Variants in ST8SIA5 observed in about 807,000 individuals in gnomAD.
ST8SIA5 encodes alpha-2,8-sialyltransferase 8E.
A neutral mutation model predicts 40.2 loss-of-function variants in ST8SIA5; 24 were observed. The observed-to-expected ratio is 0.60, with a 90% CI of 0.43 to 0.84. ST8SIA5 has a LOEUF of 0.84. ST8SIA5 is among the 40% of genes least tolerant of loss of function. The probability of loss-of-function intolerance (pLI) is 0.00; values close to 1 mark genes in which losing one functional copy is unlikely to be tolerated. For missense variants in ST8SIA5, 465 were observed against 498.5 expected (o/e 0.93, Z 0.64); for synonymous variants, 198 against 201.8 (o/e 0.98, Z 0.16).
In ST8SIA5 at chr18:46,675,743, G is replaced by A. The variant is rs941533808; in HGVS notation, c.*4299C>T. The A allele has an allele frequency of 4.6e-5, 7 of 152,186 alleles. No homozygotes were observed. The highest frequency in any genetic ancestry group is 1.4e-4 in the African/African-American group (6 of 41,436). 9.4% of individuals were successfully genotyped at this position (152,186 alleles called of 1,614,324 possible). A position where few individuals can be genotyped will look rare whatever the true frequency, so the allele number is the denominator to read the frequency against. On this transcript the variant is annotated 3_prime_UTR_variant, in exon 7 of 7. Transcript: ENST00000315087. Reference sequence around the variant, plus strand: ...GAAGAATAGTTAGAAAACAGAAGAGGAGAGGACTTTAGAAAGACCAGAGAG... The same window carrying A: ...GAAGAATAGTTAGAAAACAGAAGAGAAGAGGACTTTAGAAAGACCAGAGAG...
At chr18:46,690,841 C>T (rs2144479389) in intron 3 of ST8SIA5, among the ~76,000 whole-genome samples, 1 of 152,242 alleles carries the variant, frequency 6.6e-6, no homozygotes, top group Non-Finnish European at 1.5e-5. Context: ...ATCTTGAACT[C>T]CTGACCTCAG....
In ST8SIA5 at chr18:46,677,956, C is replaced by G. The variant is rs542177833; in HGVS notation, c.*2086G>C. ...GTTTCCTAAAGTGGAACAAAATGGT[C>G]TTTAAGAACCTTCTAGTTTTTATAT... is the stretch of plus-strand genomic sequence containing the variant. On this transcript the variant is annotated 3_prime_UTR_variant, in exon 7 of 7. Transcript: ENST00000315087. 6.6e-6 allele frequency: 1 copy of G among 152,226 alleles called. No homozygotes were observed. The highest frequency in any genetic ancestry group is 2.4e-5 in the African/African-American group (1 of 41,448). 9.4% of individuals were successfully genotyped at this position (152,226 alleles called of 1,614,324 possible). A position where few individuals can be genotyped will look rare whatever the true frequency, so the allele number is the denominator to read the frequency against.
At chr18:46,729,040 G>A (rs2039960064) in intron 1 of ST8SIA5, among the ~76,000 whole-genome samples, 1 of 151,956 alleles carries the variant, frequency 6.6e-6, no homozygotes, top group Non-Finnish European at 1.5e-5. Flanking sequence ...AGCCACTATT[G>A]TGCTCCCACA....
chr18:46,733,245 G>T (rs2040001880), intron 1 of ST8SIA5, among the ~76,000 whole-genome samples: 1 of 152,100 alleles, frequency 6.6e-6, no homozygotes. Context: ...TTAAAAATGA[G>T]CCATTTCTTT....
At chr18:46,721,287 A>C (rs2039859975) in intron 1 of ST8SIA5, 2 of 1,330,926 alleles carry the variant, frequency 1.5e-6, no homozygotes, top group Non-Finnish European at 2.1e-6. Context: ...TAGGAAGTGG[A>C]CAATGTGGCA....
chr18:46,736,138 T>A (rs970908713), intron 1 of ST8SIA5, among the ~76,000 whole-genome samples: 6 of 152,180 alleles, frequency 3.9e-5, no homozygotes, highest in African/African-American at 1.4e-4. Flanking sequence ...ATAAAAAAAT[T>A]AAGGAGATAC....
intron 1 of ST8SIA5, among the ~76,000 whole-genome samples, chr18:46,755,830 G>T (rs1029416433): frequency 2.0e-5 from 3 of 152,270 alleles, no homozygotes; most frequent in Middle Eastern, 3.4e-3. Context: ...CTGTGGGATT[G>T]TAAGACTTCA....
At chr18:46,708,225 C>T (rs1022673869) in intron 1 of ST8SIA5, among the ~76,000 whole-genome samples, 4 of 152,166 alleles carry the variant, frequency 2.6e-5, no homozygotes, top group Non-Finnish European at 5.9e-5. Flanking sequence ...TGATGGTAAG[C>T]TGGTTGATGG....
rs2040251910 is a variant in ST8SIA5, at chr18:46,756,647, G to C, written c.-139C>G. ...CAGGCGGGGGACTTCGAGGGGCAAAGTTTCTGGTTGGCGCGGCCGGAGCTG... is the reference window on the plus strand; with the variant it reads ...CAGGCGGGGGACTTCGAGGGGCAAACTTTCTGGTTGGCGCGGCCGGAGCTG... On this transcript the variant is annotated 5_prime_UTR_variant, in exon 1 of 7. Transcript: ENST00000315087. 1 of 1,058,894 alleles carries C rather than the reference G, an allele frequency of 9.4e-7. No individual in the cohort carries two copies. The highest frequency in any genetic ancestry group is 2.8e-5 in the East Asian group (1 of 36,052). 65.6% of individuals were successfully genotyped at this position (1,058,894 alleles called of 1,614,324 possible).
chr18:46,739,776 C>T lies in ST8SIA5; in HGVS notation c.131+16602G>A, dbSNP rs116059977. ...TGTTGGGGGTGCCATGAGCCGACAG[C>T]CCTCAGCTCTCATTCCTCTTTGAGA... On this transcript the variant is annotated intron_variant, in intron 1 of 6. Transcript: ENST00000315087. 3.2e-3 allele frequency among the ~76,000 whole-genome samples: 487 copies of T among 152,306 alleles called. 2 individuals are homozygous for T. The highest frequency in any genetic ancestry group is 0.01 in the African/African-American group (422 of 41,568).
chr18:46,695,172 A>AC lies in ST8SIA5; in HGVS notation c.225-2918_225-2917insG, dbSNP rs1022745349. Among the ~76,000 whole-genome samples the AC allele has an allele frequency of 1.1e-4, 16 of 151,776 alleles. No individual in the cohort carries two copies. In the Middle Eastern group the frequency reaches 0.01, roughly 97 times the overall value. On this transcript the variant is annotated intron_variant, in intron 2 of 6. Coordinates refer to ENST00000315087, the MANE Select transcript of ST8SIA5 (RefSeq NM_013305.6). ...AGAATCCATCTCAAAAGAAAAAAAA[A>AC]AAAAACCCTTTTTAAAAAAAGGGTT... is the stretch of plus-strand genomic sequence containing the variant.
In ST8SIA5 at chr18:46,680,309, G is replaced by A; in HGVS notation, c.864C>T (p.Tyr288=). ...TGGCGCGCACCCCCAGGCTGAGCCAGTAGCGCGACACGTTGACCAGGTACT... is the reference window on the plus strand; with the variant it reads ...TGGCGCGCACCCCCAGGCTGAGCCAATAGCGCGACACGTTGACCAGGTACT... ...HPQYLVNVSR[Y]WLSLGVRAKR... The change falls in exon 7 of 7, where the codon TAC becomes TAT. Residue 288 remains tyrosine (Y), a synonymous_variant. Coordinates refer to ENST00000315087, the MANE Select transcript of ST8SIA5 (RefSeq NM_013305.6). The A allele has an allele frequency of 6.2e-7, 1 of 1,614,242 alleles. No individual in the cohort carries two copies. Among genetic ancestry groups the A allele is most frequent in the Non-Finnish European group, 8.5e-7 (1 of 1,180,050 alleles).
rs140731171 is a variant in ST8SIA5, at chr18:46,730,319, G to A, written c.132-25655C>T. On this transcript the variant is annotated intron_variant, in intron 1 of 6. Transcript: ENST00000315087. ...TCTTGAAGTCTCAGTTTTCTCATCC[G>A]TCAAAGGGGATGAATAATCCTCAAC... The A allele has an allele frequency of 9.4e-4, 841 of 897,742 alleles. 3 individuals are homozygous for A. The highest frequency in any genetic ancestry group is 7.5e-3 in the Middle Eastern group (13 of 1,738). The allele number at this position is 897,742 out of a possible 1,614,324, so 55.6% of individuals were successfully genotyped here.
At position 46,687,685 on chromosome 18, in the gene ST8SIA5, A is replaced by G. The variant is rs2039461507; in HGVS notation, c.456+1090T>C. Among the ~76,000 whole-genome samples the G allele has an allele frequency of 2.6e-5, 4 of 152,112 alleles. No homozygotes were observed. The South Asian group carries it at 8.3e-4, about 32-fold the overall frequency. On this transcript the variant is annotated intron_variant, in intron 4 of 6. Coordinates refer to ENST00000315087, the MANE Select transcript of ST8SIA5 (RefSeq NM_013305.6). ...TCCCCAGAATGCATGAGTCTTACCT[A>G]TACACTTTGGTACCAGTCACAGAAT...
At chr18:46,711,451 A>G (rs1281718287) in intron 1 of ST8SIA5, among the ~76,000 whole-genome samples, 1 of 152,188 alleles carries the variant, frequency 6.6e-6, no homozygotes, top group African/African-American at 2.4e-5. Context: ...GGACTGTGAG[A>G]GCCCGGAACC....
intron 1 of ST8SIA5, among the ~76,000 whole-genome samples, chr18:46,722,042 A>C (rs530614627): frequency 6.6e-6 from 1 of 152,310 alleles, no homozygotes; most frequent in South Asian, 2.1e-4. Context: ...CAGCAATAAC[A>C]TGCTGGATGA....
intron 3 of ST8SIA5, 159 bp from the exon 4 acceptor site, chr18:46,689,078 G>T: frequency 1.2e-6 from 1 of 801,646 alleles, no homozygotes; most frequent in Non-Finnish European, 1.9e-6. Flanking sequence ...GGCCTCTCCT[G>T]CCCACCCATC....
intron 3 of ST8SIA5, among the ~76,000 whole-genome samples, chr18:46,689,666 T>C (rs1176633188): frequency 2.7e-5 from 4 of 150,918 alleles, no homozygotes; most frequent in Non-Finnish European, 5.9e-5. Context: ...CTTCGCCTCC[T>C]GGGTTCAAGT....
In ST8SIA5 at chr18:46,692,154, A is replaced by T; in HGVS notation, c.311+15T>A. On this transcript the variant is annotated intron_variant, in intron 3 of 6. Coordinates refer to ENST00000315087, the MANE Select transcript of ST8SIA5 (RefSeq NM_013305.6). Reference sequence around the variant, plus strand: ...ATCATACAAGGAGAAGGGAGGACAGACGAATCATAGATACTTGAACTGGTT... The same window carrying T: ...ATCATACAAGGAGAAGGGAGGACAGTCGAATCATAGATACTTGAACTGGTT... 1 of 1,613,840 alleles carries T rather than the reference A, an allele frequency of 6.2e-7. No individual in the cohort carries two copies. Among genetic ancestry groups the T allele is most frequent in the Non-Finnish European group, 8.5e-7 (1 of 1,179,734 alleles).
Sources: gnomAD v4.1 joint callset for allele counts (sites outside exome capture counted in the v4.1 genomes callset) on GRCh38, gnomAD v4.1.1 for gene constraint, MANE v1.5 for transcripts, NCBI Gene and HGNC (gene_info 2026-07-23, HGNC 2026-07-21) for gene names.